Variants in KCNJ6 observed in about 807,000 individuals in gnomAD.
KCNJ6 encodes potassium inwardly rectifying channel subfamily J member 6.
A neutral mutation model predicts 34.2 loss-of-function variants in KCNJ6; 9 were observed. That is an observed-to-expected ratio of 0.26 (90% CI 0.16 to 0.46). The LOEUF is 0.46. Ranked by LOEUF, KCNJ6 falls within the 20% of genes least tolerant of loss-of-function variation. KCNJ6 has a pLI of 1.00. For missense variants in KCNJ6, 236 were observed against 531.3 expected (o/e 0.44, Z 5.46); for synonymous variants, 196 against 207.1 (o/e 0.95, Z 0.46).
intron 2 of KCNJ6, among the ~76,000 whole-genome samples, chr21:37,775,160 A>G (rs373848276): frequency 6.6e-6 from 1 of 151,888 alleles, no homozygotes; most frequent in African/African-American, 2.4e-5. Flanking sequence ...TTTGAGAAGT[A>G]TCTGTTCATA....
At position 37,825,909 on chromosome 21, in the gene KCNJ6, C is replaced by T. The variant is rs926596877; in HGVS notation, c.25+14749G>A. Among the ~76,000 whole-genome samples the T allele has an allele frequency of 7.9e-5, 12 of 152,252 alleles. No homozygotes were observed. In the South Asian group the frequency reaches 2.1e-3, roughly 26 times the overall value. ...ACGAGCACAGTATGGGGCAAACTGC[C>T]CCCATGATTCAATTACCTCCCTCTG... On this transcript the variant is annotated intron_variant, in intron 2 of 3. Coordinates refer to ENST00000609713, the MANE Select transcript of KCNJ6 (RefSeq NM_002240.5).
At chr21:37,858,462 T>C (rs1259243074) in intron 1 of KCNJ6, among the ~76,000 whole-genome samples, 1 of 145,484 alleles carries the variant, frequency 6.9e-6, no homozygotes, top group Admixed American at 6.9e-5. Context: ...TAGAGCATGC[T>C]AGGTCCTGGA....
At chr21:37,808,596 T>A (rs2055305352) in intron 2 of KCNJ6, among the ~76,000 whole-genome samples, 1 of 152,222 alleles carries the variant, frequency 6.6e-6, no homozygotes, top group Non-Finnish European at 1.5e-5. Flanking sequence ...TTAATAATGT[T>A]CTGCTTTAGG....
At chr21:37,745,065 G>A (rs984373482) in intron 2 of KCNJ6, among the ~76,000 whole-genome samples, 2 of 137,040 alleles carry the variant, frequency 1.5e-5, no homozygotes, top group East Asian at 2.1e-4. Flanking sequence ...TTAGCCCAAC[G>A]TTGCTGGTTT....
chr21:37,807,280 T>C (rs2055298068), intron 2 of KCNJ6, among the ~76,000 whole-genome samples: 1 of 152,220 alleles, frequency 6.6e-6, no homozygotes, highest in Non-Finnish European at 1.5e-5. Flanking sequence ...AGTTATTCCA[T>C]TTTTCCATGG....
intron 1 of KCNJ6, among the ~76,000 whole-genome samples, chr21:37,891,737 T>C (rs1311135002): frequency 2.0e-5 from 3 of 152,140 alleles, no homozygotes; most frequent in African/African-American, 7.2e-5. Context: ...TTTTAAAGGC[T>C]TGAATATCCA....
At chr21:37,756,724 A>AT (rs2055028625) in intron 2 of KCNJ6, among the ~76,000 whole-genome samples, 1 of 120,652 alleles carries the variant, frequency 8.3e-6, no homozygotes. Flanking sequence ...ACTCCCTCAC[A>AT]GATTCAAGCC....
chr21:37,638,491 G>T (rs1477288552), intron 3 of KCNJ6, among the ~76,000 whole-genome samples: 1 of 152,150 alleles, frequency 6.6e-6, no homozygotes, highest in African/African-American at 2.4e-5. Flanking sequence ...TACACCTAAA[G>T]ATTGATAACA....
intron 1 of KCNJ6, among the ~76,000 whole-genome samples, chr21:37,873,463 C>T (rs7281427): frequency 0.076 from 11,524 of 152,272 alleles, 604 homozygotes; most frequent in Middle Eastern, 0.12. Context: ...CAGACTAGTG[C>T]AGTCAGTGTA....
At chr21:37,655,240 AGAG>A (rs1569438988) in intron 3 of KCNJ6, among the ~76,000 whole-genome samples, 40 of 8,868 alleles carry the variant, frequency 4.5e-3, no homozygotes, top group Non-Finnish European at 7.8e-3. Context: ...AGAGAGAGAG[AGAG>A]AGAGAGAGAG....
chr21:37,875,112 T>C (rs12626297), intron 1 of KCNJ6, among the ~76,000 whole-genome samples: 44,006 of 152,084 alleles, frequency 0.29, 7,040 homozygotes, highest in African/African-American at 0.43. Flanking sequence ...GCTCCTCCCC[T>C]GCCCTCAGCC....
chr21:37,758,785 C>T (rs568736220), intron 2 of KCNJ6, among the ~76,000 whole-genome samples: 6 of 152,190 alleles, frequency 3.9e-5, no homozygotes, highest in African/African-American at 1.2e-4. Flanking sequence ...TACATGCCAC[C>T]ATGCCTGCCT....
chr21:37,664,792 C>G (rs1232182478), intron 3 of KCNJ6, among the ~76,000 whole-genome samples: 1 of 101,016 alleles, frequency 9.9e-6, no homozygotes, highest in Non-Finnish European at 1.9e-5. Flanking sequence ...AAGAATATTC[C>G]TTTTTTTTTT....
chr21:37,635,114 A>G (rs2054351689), intron 3 of KCNJ6, among the ~76,000 whole-genome samples: 1 of 152,122 alleles, frequency 6.6e-6, no homozygotes, highest in African/African-American at 2.4e-5. Flanking sequence ...AAGTAGTTAT[A>G]TTGGGGTGAG....
chr21:37,819,324 A>T (rs1417988534), intron 2 of KCNJ6, among the ~76,000 whole-genome samples: 4 of 152,164 alleles, frequency 2.6e-5, no homozygotes, highest in Non-Finnish European at 5.9e-5. Flanking sequence ...TTGAGATCAG[A>T]GTGTCAGTGC....
At position 37,615,244 on chromosome 21, in the gene KCNJ6, C is replaced by CTTTTTTTTTTTTT. The variant is rs1156939747; in HGVS notation, c.*9902_*9914dup. ...ACCCTCGACTGACATTCCCAGCATT[C>CTTTTTTTTTTTTT]TTTTTTTTTTTTTTTTTTTTTTTTT... On this transcript the variant is annotated 3_prime_UTR_variant, in exon 4 of 4. Transcript: ENST00000609713. The CTTTTTTTTTTTTT allele has an allele frequency of 1.0e-5, 1 of 98,890 alleles. No homozygotes were observed. The highest frequency in any genetic ancestry group is 4.0e-5 in the African/African-American group (1 of 25,164). 6.1% of individuals were successfully genotyped at this position (98,890 alleles called of 1,614,324 possible). A position where few individuals can be genotyped will look rare whatever the true frequency, so the allele number is the denominator to read the frequency against.
intron 1 of KCNJ6, among the ~76,000 whole-genome samples, chr21:37,861,055 G>C (rs2055592502): frequency 6.6e-6 from 1 of 152,216 alleles, no homozygotes; most frequent in South Asian, 2.1e-4. Flanking sequence ...TAAAAGGAGA[G>C]ATTAATGATA....
chr21:37,650,006 A>G (rs2054425678), intron 3 of KCNJ6, among the ~76,000 whole-genome samples: 1 of 149,912 alleles, frequency 6.7e-6, no homozygotes. Context: ...CTTGTGATTC[A>G]CCCACCTCAG....
chr21:37,690,731 C>T (rs2054635703), intron 3 of KCNJ6, among the ~76,000 whole-genome samples: 1 of 151,774 alleles, frequency 6.6e-6, no homozygotes, highest in Non-Finnish European at 1.5e-5. Context: ...ATTCGTACAT[C>T]AAAGTAACAT....
Sources: gnomAD v4.1 joint callset for allele counts (sites outside exome capture counted in the v4.1 genomes callset) on GRCh38, gnomAD v4.1.1 for gene constraint, MANE v1.5 for transcripts, NCBI Gene and HGNC (gene_info 2026-07-23, HGNC 2026-07-21) for gene names.